Variants in ASCC3 observed in about 807,000 individuals in gnomAD.
ASCC3 encodes activating signal cointegrator 1 complex subunit 3.
ASCC3 carries 158 observed loss-of-function variants against 256.3 expected under a neutral mutation model. The observed-to-expected ratio is 0.62, with a 90% CI of 0.54 to 0.70. ASCC3 has a LOEUF of 0.70. ASCC3 is among the 30% of genes least tolerant of loss of function. The pLI, the probability that ASCC3 is intolerant of heterozygous loss-of-function variation, is 0.00. For missense variants in ASCC3, 2,259 were observed against 2,626.0 expected (o/e 0.86, Z 3.05); for synonymous variants, 948 against 883.4 (o/e 1.07, Z -1.30).
intron 8 of ASCC3, among the ~76,000 whole-genome samples, chr6:100,769,532 G>C (rs1354985217): frequency 1.3e-5 from 2 of 149,414 alleles, no homozygotes; most frequent in African/African-American, 4.9e-5. Flanking sequence ...AATTAAAAAA[G>C]AAAAAAACAA....
At chr6:100,687,633 T>C (rs1582698765) in intron 13 of ASCC3, among the ~76,000 whole-genome samples, 1 of 152,080 alleles carries the variant, frequency 6.6e-6, no homozygotes, top group South Asian at 2.1e-4. Context: ...AATAAGATAG[T>C]ATATTTGCTA....
rs1292831337 is a variant in ASCC3, at chr6:100,646,728, G to A, written c.3520C>T (p.Gln1174Ter). 1.2e-6 allele frequency: 2 copies of A among 1,613,766 alleles called. No individual in the cohort carries two copies. Among genetic ancestry groups the A allele is most frequent in the Non-Finnish European group, 1.7e-6 (2 of 1,179,846 alleles). ...HHVNIGLKVK[Q>*]CVHQIPSVMM... The stretch of plus-strand genomic sequence containing the variant: ...ACAGAAGGAATCTGATGAACACATT[G>A]TTTGACCTTCAGTCCAATATTCACA... Residue 1174 changes from glutamine to a stop codon, truncating the protein, a stop_gained, in exon 22 of 42, where the codon CAA (glutamine) becomes TAA (stop). Coordinates refer to ENST00000369162, the MANE Select transcript of ASCC3 (RefSeq NM_006828.4). LOFTEE classifies it high-confidence loss of function.
intron 13 of ASCC3, among the ~76,000 whole-genome samples, chr6:100,687,026 T>C (rs1056863980): frequency 1.4e-5 from 1 of 73,238 alleles, no homozygotes; most frequent in Admixed American, 1.6e-4. Flanking sequence ...TCTCTCTCTC[T>C]CTCTCTCTCA....
At chr6:100,592,882 T>C (rs1308498342) in intron 34 of ASCC3, among the ~76,000 whole-genome samples, 1 of 152,166 alleles carries the variant, frequency 6.6e-6, no homozygotes, top group African/African-American at 2.4e-5. Context: ...TGTTTAATTA[T>C]GGGTAAAGGA....
chr6:100,860,155 CTTCT>C (rs1316871281), intron 3 of ASCC3, among the ~76,000 whole-genome samples: 4 of 151,186 alleles, frequency 2.6e-5, no homozygotes, highest in Admixed American at 6.6e-5. Flanking sequence ...TCAGTCTTGA[CTTCT>C]TTATTTTAAA....
chr6:100,766,557 C>T lies in ASCC3; in HGVS notation c.1737+8G>A, dbSNP rs1461068793. ...GTATTAAACAAAAAATCTAGGTAAA[C>T]AACATACCTGAGTTCGTAAAATTTC... On this transcript the variant is annotated splice_region_variant and intron_variant, in intron 10 of 41. Coordinates refer to ENST00000369162, the MANE Select transcript of ASCC3 (RefSeq NM_006828.4). 6.2e-7 allele frequency: 1 copy of T among 1,613,828 alleles called. No homozygotes were observed. Among genetic ancestry groups the T allele is most frequent in the Non-Finnish European group, 8.5e-7 (1 of 1,179,812 alleles).
At chr6:100,742,407 G>A (rs1479793885) in intron 10 of ASCC3, among the ~76,000 whole-genome samples, 3 of 152,168 alleles carry the variant, frequency 2.0e-5, no homozygotes, top group South Asian at 2.1e-4. Flanking sequence ...CAGGTGTGCT[G>A]CATTAGGGGG....
At chr6:100,781,319 T>A (rs1350252418) in intron 8 of ASCC3, among the ~76,000 whole-genome samples, 2 of 152,170 alleles carry the variant, frequency 1.3e-5, no homozygotes, top group Non-Finnish European at 2.9e-5. Context: ...TCACTGAAGT[T>A]GCCGCCTGTA....
At chr6:100,681,121 C>T (rs574861225) in intron 13 of ASCC3, among the ~76,000 whole-genome samples, 128 of 152,112 alleles carry the variant, frequency 8.4e-4, no homozygotes, top group Non-Finnish European at 1.6e-3. Context: ...ATATGAGATG[C>T]TTATTAAAAT....
chr6:100,879,935 T>C (rs1336584183), intron 1 of ASCC3, among the ~76,000 whole-genome samples: 2 of 152,194 alleles, frequency 1.3e-5, no homozygotes, highest in African/African-American at 2.4e-5. Context: ...GAAAGAACCC[T>C]AGTCAAGATT....
intron 24 of ASCC3, 131 bp from the exon 25 acceptor site, chr6:100,638,952 TACCC>T (rs1774980123): frequency 1.3e-6 from 1 of 747,834 alleles, no homozygotes; most frequent in Non-Finnish European, 2.3e-6. Context: ...AACTCTTATA[TACCC>T]ATTACAGATC....
chr6:100,568,817 G>A (rs9497778), intron 36 of ASCC3, among the ~76,000 whole-genome samples: 9,599 of 149,700 alleles, frequency 0.064, 727 homozygotes, highest in East Asian at 0.3. Flanking sequence ...TCCCTCTGTC[G>A]CCCAGGCTGG....
intron 34 of ASCC3, among the ~76,000 whole-genome samples, chr6:100,591,325 A>G (rs1416531295): frequency 6.6e-6 from 1 of 152,086 alleles, no homozygotes; most frequent in East Asian, 1.9e-4. Flanking sequence ...AAAATTCTGG[A>G]CATTCAAGCC....
At chr6:100,815,844 T>A (rs1402012412) in intron 4 of ASCC3, among the ~76,000 whole-genome samples, 1 of 152,002 alleles carries the variant, frequency 6.6e-6, no homozygotes, top group African/African-American at 2.4e-5. Context: ...ACAATACTAT[T>A]CTGAACATAA....
intron 37 of ASCC3, among the ~76,000 whole-genome samples, chr6:100,537,567 C>T (rs774852833): frequency 6.6e-6 from 1 of 151,894 alleles, no homozygotes; most frequent in Non-Finnish European, 1.5e-5. Context: ...TTAGGGGAGG[C>T]TGGGTAAAAT....
intron 8 of ASCC3, among the ~76,000 whole-genome samples, chr6:100,781,745 T>G (rs1562292970): frequency 6.6e-6 from 1 of 151,942 alleles, no homozygotes; most frequent in Non-Finnish European, 1.5e-5. Flanking sequence ...TTAATATATT[T>G]TTTAATCTTC....
chr6:100,797,926 T>TAC lies in ASCC3; in HGVS notation c.1395+785_1395+786dup, dbSNP rs201257712. ...ACAGAAAGACACATGTAACTATATA[T>TAC]ACACACACAAAACAGTGTGTATGAT... On this transcript the variant is annotated intron_variant, in intron 8 of 41. Coordinates refer to ENST00000369162, the MANE Select transcript of ASCC3 (RefSeq NM_006828.4). Among the ~76,000 whole-genome samples the TAC allele has an allele frequency of 5.7e-3, 865 of 152,306 alleles. 11 individuals are homozygous for TAC. Among genetic ancestry groups the TAC allele is most frequent in the Admixed American group, 0.026 (399 of 15,284 alleles).
At chr6:100,655,889 T>C (rs1411466050) in intron 16 of ASCC3, 71 bp from the exon 17 acceptor site, 1 of 1,555,960 alleles carries the variant, frequency 6.4e-7, no homozygotes, top group African/African-American at 1.4e-5. Flanking sequence ...AAGTCCATTC[T>C]GTCAGAGGTG....
At chr6:100,778,820 C>T (rs1054022567) in intron 8 of ASCC3, among the ~76,000 whole-genome samples, 30 of 151,966 alleles carry the variant, frequency 2.0e-4, no homozygotes, top group Non-Finnish European at 2.9e-5. Context: ...GAAGAGTAAA[C>T]CATATCCAAT....
Sources: allele counts gnomAD v4.1 joint callset (sites outside exome capture counted in the v4.1 genomes callset), GRCh38; gene constraint gnomAD v4.1.1; transcripts MANE v1.5; gene names NCBI Gene and HGNC (gene_info 2026-07-23, HGNC 2026-07-21).